The following ENTREP2 variants were observed in gnomAD, a reference collection of about 807,000 sequenced individuals.
ENTREP2 encodes the protein protein ENTREP2.
chr15:29,118,559 G>A, the ENTREP2 span, among the ~76,000 whole-genome samples: 19 of 152,338 alleles, frequency 1.2e-4, no homozygotes, highest in South Asian at 1.0e-3. Context: ...ACCAGGTCAC[G>A]GGGTCAGCGC....
At chr15:29,570,930 T>TGGC in the ENTREP2 span, among the ~76,000 whole-genome samples, 1 of 143,138 alleles carries the variant, frequency 7.0e-6, no homozygotes, top group South Asian at 2.2e-4. Flanking sequence ...CCCGCGCCCA[T>TGGC]GCCGCCGCCG....
chr15:29,405,074 CA>C, the ENTREP2 span, among the ~76,000 whole-genome samples: 1 of 152,160 alleles, frequency 6.6e-6, no homozygotes, highest in Admixed American at 6.5e-5. Flanking sequence ...CTGTTTTCCA[CA>C]CTGCAGAATC....
the ENTREP2 span, among the ~76,000 whole-genome samples, chr15:29,346,069 C>G: frequency 6.6e-6 from 1 of 152,198 alleles, no homozygotes; most frequent in African/African-American, 2.4e-5. Flanking sequence ...AGCCAAGCAT[C>G]CCGCTCGGCG....
chr15:29,383,964 T>C, the ENTREP2 span, among the ~76,000 whole-genome samples: 1 of 152,188 alleles, frequency 6.6e-6, no homozygotes, highest in Non-Finnish European at 1.5e-5. Context: ...CCCAGGCTCC[T>C]TGCCTCGCAG....
chr15:29,253,586 G>A, the ENTREP2 span, among the ~76,000 whole-genome samples: 4 of 151,882 alleles, frequency 2.6e-5, no homozygotes, highest in African/African-American at 4.8e-5. Context: ...GGGACTACAG[G>A]TGCGCACAAC....
chr15:29,392,720 A>G, the ENTREP2 span, among the ~76,000 whole-genome samples: 1 of 152,126 alleles, frequency 6.6e-6, no homozygotes, highest in Non-Finnish European at 1.5e-5. Flanking sequence ...TCGTTCTGGA[A>G]ATTTTGTAGC....
At chr15:29,149,788 G>A in the ENTREP2 span, among the ~76,000 whole-genome samples, 8 of 152,208 alleles carry the variant, frequency 5.3e-5, no homozygotes, top group Non-Finnish European at 1.0e-4. Flanking sequence ...TCTCAAGCCC[G>A]GCAGCAGAGC....
At chr15:29,453,129 A>G in the ENTREP2 span, among the ~76,000 whole-genome samples, 2 of 152,270 alleles carry the variant, frequency 1.3e-5, no homozygotes, top group Admixed American at 6.5e-5. Flanking sequence ...CCGGCTGTTT[A>G]GTGGCCTGCC....
the ENTREP2 span, among the ~76,000 whole-genome samples, chr15:29,478,165 C>A: frequency 1.3e-5 from 2 of 150,860 alleles, no homozygotes; most frequent in African/African-American, 2.4e-5. Context: ...GCTGGGACTA[C>A]AGGCGCCCGT....
the ENTREP2 span, among the ~76,000 whole-genome samples, chr15:29,545,133 G>A: frequency 3.9e-5 from 6 of 152,172 alleles, no homozygotes; most frequent in African/African-American, 1.4e-4. Flanking sequence ...GGACAAGCTG[G>A]TGAGACTGAC....
the ENTREP2 span, among the ~76,000 whole-genome samples, chr15:29,641,254 C>T: frequency 5.9e-5 from 9 of 152,100 alleles, no homozygotes; most frequent in Non-Finnish European, 1.0e-4. Flanking sequence ...CCCCTAAGAT[C>T]AAGATGTCTG....
chr15:29,181,714 T>C, the ENTREP2 span, among the ~76,000 whole-genome samples: 1 of 152,112 alleles, frequency 6.6e-6, no homozygotes, highest in East Asian at 1.9e-4. Flanking sequence ...CACACACATA[T>C]ACACATACAA....
At chr15:29,460,207 G>A in the ENTREP2 span, among the ~76,000 whole-genome samples, 16 of 152,288 alleles carry the variant, frequency 1.1e-4, no homozygotes, top group African/African-American at 3.1e-4. Flanking sequence ...AGCCACGATC[G>A]CACCACTGCC....
the ENTREP2 span, among the ~76,000 whole-genome samples, chr15:29,220,715 C>T: frequency 6.6e-6 from 1 of 151,790 alleles, no homozygotes; most frequent in East Asian, 1.9e-4. Context: ...AACGTGTATA[C>T]ACAAAACATT....
chr15:29,268,540 C>T, the ENTREP2 span: 4 of 434,742 alleles, frequency 9.2e-6, no homozygotes, highest in East Asian at 1.4e-4. Context: ...ATTCGTTTTA[C>T]TAAGCTAGCA....
At chr15:29,414,042 T>C in the ENTREP2 span, among the ~76,000 whole-genome samples, 185 of 152,090 alleles carry the variant, frequency 1.2e-3, no homozygotes, top group African/African-American at 4.4e-3. Flanking sequence ...TCCCACACAA[T>C]AATAATGGGA....
the ENTREP2 span, among the ~76,000 whole-genome samples, chr15:29,544,981 C>T: frequency 6.6e-6 from 1 of 152,130 alleles, no homozygotes; most frequent in Non-Finnish European, 1.5e-5. Context: ...CCCGTAAATG[C>T]CTCCAAAAAG....
the ENTREP2 span, among the ~76,000 whole-genome samples, chr15:29,228,102 C>T: frequency 1.3e-5 from 2 of 152,054 alleles, no homozygotes; most frequent in African/African-American, 2.4e-5. Context: ...GAGGCTGAGG[C>T]GGGTGGATCA....
At chr15:29,450,039 C>T in the ENTREP2 span, among the ~76,000 whole-genome samples, 14 of 152,140 alleles carry the variant, frequency 9.2e-5, no homozygotes, top group African/African-American at 3.1e-4. Flanking sequence ...GTTGACTGCA[C>T]GTATGTCTTT....
Sources: allele counts gnomAD v4.1 joint callset (sites outside exome capture counted in the v4.1 genomes callset), GRCh38; gene constraint gnomAD v4.1.1; transcripts MANE v1.5; gene names NCBI Gene and HGNC (gene_info 2026-07-23, HGNC 2026-07-21).